The following LCLAT1 variants were observed in gnomAD, a reference collection of about 807,000 sequenced individuals.
LCLAT1 encodes the protein 1-AGP acyltransferase 8.
Under a neutral mutation model 30.7 loss-of-function variants are expected in LCLAT1, and 11 were observed. That is an observed-to-expected ratio of 0.36 (90% CI 0.23 to 0.59). The LOEUF (loss-of-function observed/expected upper bound fraction) is 0.59, where lower values mean the gene tolerates loss of function less well. Among genes scored for constraint, LCLAT1 ranks in the 20% least tolerant of loss-of-function variants. LCLAT1 has a pLI of 0.77. For synonymous variants in LCLAT1, 155 were observed against 151.3 expected (o/e 1.02, Z -0.18); for missense variants, 402 against 458.6 (o/e 0.88, Z 1.13).
At chr2:30,579,598 G>T (rs1390458369) in intron 5 of LCLAT1, among the ~76,000 whole-genome samples, 2 of 152,130 alleles carry the variant, frequency 1.3e-5, no homozygotes, top group Non-Finnish European at 2.9e-5. Flanking sequence ...CTTTGAATTT[G>T]ATCTGGAGGA....
At chr2:30,498,837 C>G (rs576368478) in intron 1 of LCLAT1, among the ~76,000 whole-genome samples, 1 of 152,238 alleles carries the variant, frequency 6.6e-6, no homozygotes, top group South Asian at 2.1e-4. Context: ...TTAATGCAAC[C>G]AATTTTAAAT....
intron 4 of LCLAT1, among the ~76,000 whole-genome samples, chr2:30,564,359 TGC>T (rs1293474703): frequency 1.3e-5 from 2 of 152,166 alleles, no homozygotes; most frequent in Non-Finnish European, 2.9e-5. Flanking sequence ...CATATGTTAC[TGC>T]TACATTAGTG....
Position 30,561,473 on chromosome 2 carries a change from G to A in LCLAT1, c.365-673G>A, listed in dbSNP as rs534189667. ...AGTTAGGTATCTACTGTAGTAGTCT[G>A]GTCATTGTGGCTGGGGAGATGGCTG... On this transcript the variant is annotated intron_variant, in intron 3 of 5. Coordinates refer to ENST00000379509, the MANE Select transcript of LCLAT1 (RefSeq NM_001002257.3). Among the ~76,000 whole-genome samples the A allele has an allele frequency of 5.9e-5, 9 of 152,220 alleles. No homozygotes were observed. In the South Asian group the frequency reaches 1.7e-3, roughly 28 times the overall value.
At chr2:30,480,734 A>G (rs1357223192) in intron 1 of LCLAT1, among the ~76,000 whole-genome samples, 1 of 152,120 alleles carries the variant, frequency 6.6e-6, no homozygotes, top group Non-Finnish European at 1.5e-5. Context: ...AGCCTGGGCA[A>G]TAGAGTGAGA....
chr2:30,563,789 T>G (rs1665349414), intron 4 of LCLAT1, among the ~76,000 whole-genome samples: 3 of 152,184 alleles, frequency 2.0e-5, no homozygotes, highest in Admixed American at 6.5e-5. Context: ...AAATAGACAT[T>G]ACATACATAT....
chr2:30,552,189 T>G (rs889568332), intron 3 of LCLAT1, among the ~76,000 whole-genome samples: 5 of 152,188 alleles, frequency 3.3e-5, no homozygotes, highest in Admixed American at 6.5e-5. Context: ...TTTAGAAAAT[T>G]GGTCAAATTT....
At chr2:30,592,716 T>A (rs997852006) in intron 5 of LCLAT1, among the ~76,000 whole-genome samples, 13 of 152,212 alleles carry the variant, frequency 8.5e-5, no homozygotes, top group African/African-American at 3.1e-4. Flanking sequence ...TGATTACAAA[T>A]AATCATCTAC....
intron 3 of LCLAT1, among the ~76,000 whole-genome samples, chr2:30,548,406 C>T (rs1463966808): frequency 6.6e-6 from 1 of 152,062 alleles, no homozygotes; most frequent in Non-Finnish European, 1.5e-5. Flanking sequence ...TGGTTTGGTT[C>T]AGAAAGGTGG....
At chr2:30,576,275 G>A (rs891073017) in intron 5 of LCLAT1, among the ~76,000 whole-genome samples, 8 of 151,988 alleles carry the variant, frequency 5.3e-5, no homozygotes, top group Admixed American at 1.3e-4. Context: ...GATGACTTTC[G>A]GTAGACTTTA....
intron 1 of LCLAT1, among the ~76,000 whole-genome samples, chr2:30,486,268 A>G (rs1683552472): frequency 6.6e-6 from 1 of 152,228 alleles, no homozygotes; most frequent in Admixed American, 6.5e-5. Context: ...TAAAAATTAA[A>G]GCATTAAATT....
chr2:30,617,037 T>G (rs1040382009), intron 5 of LCLAT1, among the ~76,000 whole-genome samples: 2 of 152,322 alleles, frequency 1.3e-5, no homozygotes, highest in Non-Finnish European at 2.9e-5. Flanking sequence ...AAACAGCTTT[T>G]AGAGGTAGAA....
At chr2:30,626,843 G>A (rs535050831) in intron 5 of LCLAT1, among the ~76,000 whole-genome samples, 3 of 151,692 alleles carry the variant, frequency 2.0e-5, no homozygotes, top group Non-Finnish European at 2.9e-5. Flanking sequence ...TAGATAATTC[G>A]TAATTTTCCT....
intron 1 of LCLAT1, among the ~76,000 whole-genome samples, chr2:30,497,683 T>C (rs1684184900): frequency 6.6e-6 from 1 of 152,238 alleles, no homozygotes; most frequent in Non-Finnish European, 1.5e-5. Context: ...ACATTCATAA[T>C]CTAGGCCTCA....
intron 5 of LCLAT1, among the ~76,000 whole-genome samples, chr2:30,571,817 T>C (rs939935034): frequency 6.6e-6 from 1 of 152,262 alleles, no homozygotes; most frequent in African/African-American, 2.4e-5. Flanking sequence ...CAGTAGACTT[T>C]TGACATTTGC....
intron 5 of LCLAT1, among the ~76,000 whole-genome samples, chr2:30,577,671 A>G (rs1666053546): frequency 6.6e-6 from 1 of 152,194 alleles, no homozygotes; most frequent in Non-Finnish European, 1.5e-5. Flanking sequence ...TGATTTGATT[A>G]TAATACACTA....
intron 3 of LCLAT1, among the ~76,000 whole-genome samples, chr2:30,548,952 G>A (rs1664554001): frequency 6.6e-6 from 1 of 152,124 alleles, no homozygotes; most frequent in South Asian, 2.1e-4. Flanking sequence ...TTAGAGCTTA[G>A]CCTTTACTTT....
At chr2:30,574,179 G>T (rs888609174) in intron 5 of LCLAT1, among the ~76,000 whole-genome samples, 1 of 151,804 alleles carries the variant, frequency 6.6e-6, no homozygotes, top group African/African-American at 2.4e-5. Context: ...AGCACCAAAA[G>T]TAAGAGAAGA....
At position 30,494,117 on chromosome 2, in the gene LCLAT1, G is replaced by A. The variant is rs543985794; in HGVS notation, c.-4-31470G>A. ...GTGTGCCTGTTGTCACAGCTGTTCA[G>A]GATGATGAGGCAGGAGGATCACTTG... is the stretch of plus-strand genomic sequence containing the variant. On this transcript the variant is annotated intron_variant, in intron 1 of 5. Transcript: ENST00000379509. Among the ~76,000 whole-genome samples, 8 of 152,282 alleles carry A rather than the reference G, an allele frequency of 5.3e-5. No individual in the cohort carries two copies. In the East Asian group the frequency reaches 1.2e-3, roughly 22 times the overall value.
At chr2:30,526,147 G>T (rs1685708340) in intron 2 of LCLAT1, among the ~76,000 whole-genome samples, 1 of 151,988 alleles carries the variant, frequency 6.6e-6, no homozygotes, top group Non-Finnish European at 1.5e-5. Flanking sequence ...AGATAGGTTG[G>T]TTGGTTTTTA....
Sources: allele counts gnomAD v4.1 joint callset (sites outside exome capture counted in the v4.1 genomes callset), GRCh38; gene constraint gnomAD v4.1.1; transcripts MANE v1.5; gene names NCBI Gene and HGNC (gene_info 2026-07-23, HGNC 2026-07-21).